SLC22A9: variants seen among roughly 807,000 people sequenced by gnomAD.
SLC22A9 encodes the protein organic anion transporter 7.
Under a neutral mutation model 50.1 loss-of-function variants are expected in SLC22A9, and 64 were observed. The observed-to-expected ratio is 1.28, with a 90% CI of 1.04 to 1.57. The LOEUF (loss-of-function observed/expected upper bound fraction) is 1.57. SLC22A9 is among the 40% of genes most tolerant of loss of function. SLC22A9 has a pLI of 0.00. For synonymous variants in SLC22A9, 261 were observed against 242.5 expected, an observed-to-expected ratio of 1.08 and a Z score of -0.71; for missense variants, 757 against 676.1, an observed-to-expected ratio of 1.12 and a Z score of -1.33.
chr11:63,405,727 A>G (rs1159209612), intron 6 of SLC22A9, among the ~76,000 whole-genome samples: 1 of 152,130 alleles, frequency 6.6e-6, no homozygotes, highest in Non-Finnish European at 1.5e-5. Context: ...TTTGACTAAT[A>G]TCTGTAAATT....
chr11:63,376,764 T>TAAAAA (rs376461006), intron 5 of SLC22A9, among the ~76,000 whole-genome samples: 1 of 146,900 alleles, frequency 6.8e-6, no homozygotes, highest in Admixed American at 6.8e-5. Flanking sequence ...CAAGTTGGAT[T>TAAAAA]AAAAAAAAAA....
At chr11:63,381,987 T>C (rs916633953) in intron 5 of SLC22A9, among the ~76,000 whole-genome samples, 172 bp from the exon 6 acceptor site, 5 of 152,174 alleles carry the variant, frequency 3.3e-5, no homozygotes, top group South Asian at 2.1e-4. Context: ...TTTAACGTCC[T>C]AATTCACTTT....
rs560543538 is a variant in SLC22A9, at chr11:63,401,590, A to T, written c.1074-4907A>T. 5.7e-4 allele frequency among the ~76,000 whole-genome samples: 86 copies of T among 152,208 alleles called. 3 individuals are homozygous for T. The South Asian group carries it at 0.018, about 31-fold the overall frequency. On this transcript the variant is annotated intron_variant, in intron 6 of 9. Coordinates refer to ENST00000279178, the MANE Select transcript of SLC22A9 (RefSeq NM_080866.3). ...CAGATTCAATGCAATCTCTATCAAA[A>T]TACCAATGACATTCTTCACAGAATT... is the stretch of plus-strand genomic sequence containing the variant.
chr11:63,405,421 A>T (rs976514796), intron 6 of SLC22A9, among the ~76,000 whole-genome samples: 1 of 152,224 alleles, frequency 6.6e-6, no homozygotes, highest in East Asian at 1.9e-4. Context: ...ATGAGACAAC[A>T]TAAAATTGTA....
intron 6 of SLC22A9, among the ~76,000 whole-genome samples, chr11:63,387,111 T>G (rs1255396148): frequency 6.6e-6 from 1 of 152,116 alleles, no homozygotes; most frequent in African/African-American, 2.4e-5. Flanking sequence ...TCTCCTTGGT[T>G]TCAAAGAATT....
At chr11:63,378,356 G>A (rs1181339802) in intron 5 of SLC22A9, among the ~76,000 whole-genome samples, 1 of 151,926 alleles carries the variant, frequency 6.6e-6, no homozygotes, top group Non-Finnish European at 1.5e-5. Flanking sequence ...AACAAACTAG[G>A]CATCGAAGGA....
At chr11:63,382,417 G>A in intron 6 of SLC22A9, 140 bp downstream of exon 6, 1 of 615,534 alleles carries the variant, frequency 1.6e-6, no homozygotes, top group Non-Finnish European at 2.8e-6. Context: ...TGCTGTGTTT[G>A]AATGTAGTAA....
intron 5 of SLC22A9, among the ~76,000 whole-genome samples, chr11:63,378,426 TA>T (rs1227218490): frequency 6.6e-6 from 1 of 151,926 alleles, no homozygotes; most frequent in Non-Finnish European, 1.5e-5. Flanking sequence ...TCATACTGAA[TA>T]CACAAAACCT....
At chr11:63,386,809 G>A (rs947751096) in intron 6 of SLC22A9, among the ~76,000 whole-genome samples, 11 of 151,260 alleles carry the variant, frequency 7.3e-5, no homozygotes, top group African/African-American at 2.4e-4. Context: ...AGGGTTTTGT[G>A]TTGTTGTTGT....
chr11:63,401,737 T>A (rs2014955230), intron 6 of SLC22A9, among the ~76,000 whole-genome samples: 1 of 152,080 alleles, frequency 6.6e-6, no homozygotes, highest in Non-Finnish European at 1.5e-5. Context: ...AGTCTACTAG[T>A]GTTCCCTTTT....
chr11:63,375,406 A>T (rs2014442416), intron 4 of SLC22A9, among the ~76,000 whole-genome samples: 1 of 152,140 alleles, frequency 6.6e-6, no homozygotes, highest in Non-Finnish European at 1.5e-5. Context: ...AAATTTGCCA[A>T]GTAAGAGAGG....
intron 6 of SLC22A9, among the ~76,000 whole-genome samples, chr11:63,395,841 A>C (rs1448304619): frequency 6.6e-6 from 1 of 152,090 alleles, no homozygotes; most frequent in Non-Finnish European, 1.5e-5. Flanking sequence ...AGGACTAGGC[A>C]TGTCTGAGCT....
intron 1 of SLC22A9, 116 bp from the exon 2 acceptor site, chr11:63,371,019 C>A: frequency 1.5e-6 from 1 of 674,192 alleles, no homozygotes; most frequent in Non-Finnish European, 2.5e-6. Flanking sequence ...AGAAAGGAAG[C>A]CACAGAGGAA....
At chr11:63,399,075 A>G (rs1040850138) in intron 6 of SLC22A9, among the ~76,000 whole-genome samples, 7 of 152,226 alleles carry the variant, frequency 4.6e-5, no homozygotes, top group Non-Finnish European at 1.0e-4. Flanking sequence ...TAAAAATGAA[A>G]AGCAAGAAGT....
intron 6 of SLC22A9, among the ~76,000 whole-genome samples, chr11:63,395,266 A>C (rs1463539961): frequency 6.6e-6 from 1 of 151,992 alleles, no homozygotes; most frequent in African/African-American, 2.4e-5. Context: ...CTTGGTTTGG[A>C]TCCATTGCTG....
Position 63,373,943 on chromosome 11 carries a change from A to G in SLC22A9, c.711A>G (p.Gly237=). 6.2e-7 allele frequency: 1 copy of G among 1,613,642 alleles called. No individual in the cohort carries two copies. The highest frequency in any genetic ancestry group is 8.5e-7 in the Non-Finnish European group (1 of 1,179,762). ...TCCAGGCCATGGGAATTACATTGGG[A>G]ATGTGCCCTTCTGGTATTGCATTTA... The part of the protein sequence containing the change: ...HRFQAMGITL[G]MCPSGIAFMT... Residue 237 remains glycine, a synonymous_variant, in exon 4 of 10, where the codon GGA becomes GGG. Transcript: ENST00000279178.
chr11:63,409,337 T>A (rs1293792880), intron 9 of SLC22A9, among the ~76,000 whole-genome samples: 1 of 152,064 alleles, frequency 6.6e-6, no homozygotes, highest in Non-Finnish European at 1.5e-5. Context: ...AGTATGCAGA[T>A]GCAGGGGTAT....
At chr11:63,380,720 A>AG (rs1473899288) in intron 5 of SLC22A9, among the ~76,000 whole-genome samples, 135 of 152,238 alleles carry the variant, frequency 8.9e-4, no homozygotes, top group African/African-American at 3.2e-3. Context: ...TAAGGAGGTA[A>AG]GAAGGTGAGG....
intron 6 of SLC22A9, among the ~76,000 whole-genome samples, chr11:63,400,705 C>A (rs1183228741): frequency 6.6e-6 from 1 of 151,920 alleles, no homozygotes; most frequent in Non-Finnish European, 1.5e-5. Flanking sequence ...GAAACGAACA[C>A]ACACAAAAAA....
Sources: gnomAD v4.1 joint callset for allele counts (sites outside exome capture counted in the v4.1 genomes callset) on GRCh38, gnomAD v4.1.1 for gene constraint, MANE v1.5 for transcripts, NCBI Gene and HGNC (gene_info 2026-07-23, HGNC 2026-07-21) for gene names.